The following YAF2 variants were observed in gnomAD, a reference collection of about 807,000 sequenced individuals.
YAF2 encodes the protein YY1 associated factor 2.
Under a neutral mutation model 20.1 loss-of-function variants are expected in YAF2, and 7 were observed. The observed-to-expected ratio is 0.35, with a 90% CI of 0.20 to 0.65. The LOEUF is 0.65. Ranked by LOEUF, YAF2 falls within the 30% of genes least tolerant of loss-of-function variation. YAF2 has a pLI of 0.69. For missense variants in YAF2, 151 were observed against 219.2 expected (o/e 0.69, Z 1.96); for synonymous variants, 74 against 76.0 (o/e 0.97, Z 0.14).
At chr12:42,225,766 T>G (rs1371992481) in intron 2 of YAF2, among the ~76,000 whole-genome samples, 1 of 152,330 alleles carries the variant, frequency 6.6e-6, no homozygotes, top group East Asian at 1.9e-4. Flanking sequence ...TACCATACTG[T>G]TTTGGTTACT....
chr12:42,169,437 A>G (rs753763704), intron 2 of YAF2, among the ~76,000 whole-genome samples: 2 of 151,416 alleles, frequency 1.3e-5, no homozygotes, highest in African/African-American at 4.9e-5. Flanking sequence ...TTTTTCGGAG[A>G]CATAGTCTCA....
At chr12:42,227,808 C>T (rs574727401) in intron 2 of YAF2, among the ~76,000 whole-genome samples, 152 of 147,212 alleles carry the variant, frequency 1.0e-3, no homozygotes, top group East Asian at 9.9e-3. Context: ...GGGGGTCAGC[C>T]CCCCGCCTGG....
chr12:42,229,835 T>C (rs187158988), intron 2 of YAF2, among the ~76,000 whole-genome samples: 28 of 152,362 alleles, frequency 1.8e-4, no homozygotes, highest in Admixed American at 1.2e-3. Context: ...AGTAAAAATA[T>C]AGTATCATTT....
intron 2 of YAF2, among the ~76,000 whole-genome samples, chr12:42,198,641 A>C (rs2066817724): frequency 1.3e-5 from 2 of 152,234 alleles, no homozygotes; most frequent in South Asian, 4.1e-4. Flanking sequence ...AAAGAAATTA[A>C]GTAGATCTAG....
intron 2 of YAF2, among the ~76,000 whole-genome samples, chr12:42,230,266 A>AAAGAGAAGAAAGAG (rs539001021): frequency 6.8e-6 from 1 of 146,326 alleles, no homozygotes; most frequent in African/African-American, 2.6e-5. Flanking sequence ...GAAAGAAAAG[A>AAAGAGAAGAAAGAG]AAGAGAAGAA....
At chr12:42,173,173 C>CCTCAAA (rs1267767257) in intron 2 of YAF2, among the ~76,000 whole-genome samples, 10 of 152,084 alleles carry the variant, frequency 6.6e-5, no homozygotes, top group African/African-American at 2.4e-4. Flanking sequence ...GACACTGCAG[C>CCTCAAA]CTCAAACTCC....
chr12:42,175,590 C>T (rs553179760), intron 2 of YAF2, among the ~76,000 whole-genome samples: 6 of 147,510 alleles, frequency 4.1e-5, no homozygotes, highest in South Asian at 2.2e-4. Flanking sequence ...CAAATTAAAA[C>T]GGGAGGCCAG....
rs1008707218 is a variant in YAF2, at chr12:42,158,585, G to C, written c.*2004C>G. 34 of 152,118 alleles carry C rather than the reference G, an allele frequency of 2.2e-4. No individual in the cohort carries two copies. The highest frequency in any genetic ancestry group is 1.9e-4 in the Non-Finnish European group (13 of 68,012). 9.4% of individuals were successfully genotyped at this position (152,118 alleles called of 1,614,324 possible). ...TGGAAAGTAAGCTTGGGTAATTTAA[G>C]CTCATTTCCATTCTACAACAGGATT... On this transcript the variant is annotated 3_prime_UTR_variant, in exon 4 of 4. Transcript: ENST00000534854.
At chr12:42,166,340 T>C (rs2065916979) in intron 2 of YAF2, among the ~76,000 whole-genome samples, 1 of 152,260 alleles carries the variant, frequency 6.6e-6, no homozygotes. Flanking sequence ...ACATTCTCTC[T>C]GCTTCAGAAT....
intron 2 of YAF2, among the ~76,000 whole-genome samples, chr12:42,201,018 C>T (rs547440248): frequency 6.6e-6 from 1 of 152,102 alleles, no homozygotes; most frequent in Non-Finnish European, 1.5e-5. Flanking sequence ...CAATACAGAA[C>T]CTAGACACAG....
At position 42,158,655 on chromosome 12, in the gene YAF2, C is replaced by T. The variant is rs762673890; in HGVS notation, c.*1934G>A. On this transcript the variant is annotated 3_prime_UTR_variant, in exon 4 of 4. Transcript: ENST00000534854. ...AGCACGCTTAATCTCCATGCTACAC[C>T]GTGTTCCCGTCTATGTAGAAAGATG... 11 of 152,094 alleles carry T rather than the reference C, an allele frequency of 7.2e-5. No individual in the cohort carries two copies. The highest frequency in any genetic ancestry group is 1.3e-4 in the Non-Finnish European group (9 of 68,020). 9.4% of individuals were successfully genotyped at this position (152,094 alleles called of 1,614,324 possible).
At chr12:42,213,764 C>CTGA (rs1202392336) in intron 2 of YAF2, among the ~76,000 whole-genome samples, 6 of 152,130 alleles carry the variant, frequency 3.9e-5, no homozygotes, top group Non-Finnish European at 8.8e-5. Context: ...CTTAAAAAGT[C>CTGA]TTCAGTGTGT....
intron 2 of YAF2, among the ~76,000 whole-genome samples, chr12:42,180,472 C>T (rs2066315275): frequency 6.6e-6 from 1 of 152,134 alleles, no homozygotes; most frequent in Admixed American, 6.5e-5. Context: ...AGCTGCAGCC[C>T]CAGCCACAAC....
At chr12:42,228,211 C>G (rs1388974576) in intron 2 of YAF2, among the ~76,000 whole-genome samples, 1 of 100,174 alleles carries the variant, frequency 1.0e-5, no homozygotes, top group Non-Finnish European at 2.0e-5. Context: ...GGGTCGGCCC[C>G]CCGCCCGGCC....
At chr12:42,194,195 T>C in intron 2 of YAF2, among the ~76,000 whole-genome samples, 1 of 152,184 alleles carries the variant, frequency 6.6e-6, no homozygotes, top group East Asian at 1.9e-4. Context: ...ATTTTTAAAA[T>C]AAATTTAGTG....
intron 2 of YAF2, among the ~76,000 whole-genome samples, chr12:42,217,503 A>G (rs1161516304): frequency 6.6e-6 from 1 of 152,210 alleles, no homozygotes; most frequent in East Asian, 1.9e-4. Flanking sequence ...ACAGAATCAG[A>G]TATATAATAA....
chr12:42,236,931 A>G (rs2137462404), intron 2 of YAF2, among the ~76,000 whole-genome samples: 1 of 152,350 alleles, frequency 6.6e-6, no homozygotes, highest in Non-Finnish European at 1.5e-5. Flanking sequence ...GCAAGCTTAC[A>G]ATAAATAAAG....
At chr12:42,218,185 AACACACAC>A (rs71883885) in intron 2 of YAF2, among the ~76,000 whole-genome samples, 5,734 of 140,634 alleles carry the variant, frequency 0.041, 245 homozygotes, top group East Asian at 0.19. Context: ...GCTACTAGGA[AACACACAC>A]ACACACACAC....
intron 2 of YAF2, among the ~76,000 whole-genome samples, chr12:42,218,186 ACACACACACAC>A (rs1327172758): frequency 3.9e-3 from 21 of 5,334 alleles, no homozygotes; most frequent in East Asian, 0.011. Context: ...CTACTAGGAA[ACACACACACAC>A]ACACACACAC....
Sources: gnomAD v4.1 joint callset for allele counts (sites outside exome capture counted in the v4.1 genomes callset) on GRCh38, gnomAD v4.1.1 for gene constraint, MANE v1.5 for transcripts, NCBI Gene and HGNC (gene_info 2026-07-23, HGNC 2026-07-21) for gene names.